Variants in PRKG2 observed in about 807,000 individuals in gnomAD.
PRKG2 encodes the protein protein kinase cGMP-dependent 2, also known as cGMP-dependent protein kinase 2.
A neutral mutation model predicts 97.2 loss-of-function variants in PRKG2; 33 were observed. The ratio of observed to expected loss-of-function variants is 0.34; its 90% CI spans 0.26 to 0.45. The LOEUF (loss-of-function observed/expected upper bound fraction) is 0.45. Among genes scored for constraint, PRKG2 ranks in the 20% least tolerant of loss-of-function variants. The pLI is 1.00. For synonymous variants in PRKG2, 330 were observed against 321.8 expected (o/e 1.03, Z -0.27); for missense variants, 638 against 900.0 (o/e 0.71, Z 3.73).
chr4:81,194,834 G>A (rs1752848180), intron 2 of PRKG2, among the ~76,000 whole-genome samples: 1 of 152,182 alleles, frequency 6.6e-6, no homozygotes, highest in Non-Finnish European at 1.5e-5. Flanking sequence ...AAGTAGTTGA[G>A]GAGTCAGCGG....
At chr4:81,143,185 G>C (rs949468435) in intron 10 of PRKG2, among the ~76,000 whole-genome samples, 3 of 152,152 alleles carry the variant, frequency 2.0e-5, no homozygotes, top group African/African-American at 7.2e-5. Flanking sequence ...CGAATGCCAA[G>C]TTGAATCAAT....
chr4:81,128,547 G>T (rs1016596002), intron 14 of PRKG2, among the ~76,000 whole-genome samples: 1 of 152,098 alleles, frequency 6.6e-6, no homozygotes, highest in Non-Finnish European at 1.5e-5. Context: ...ACTTCTTCCC[G>T]GTTTAGCCTT....
intron 1 of PRKG2, 143 bp from the exon 2 acceptor site, chr4:81,205,203 C>T: frequency 1.8e-6 from 1 of 560,636 alleles, no homozygotes; most frequent in Non-Finnish European, 2.9e-6. Flanking sequence ...CCCGAAGTTT[C>T]CAGAAAAAAA....
chr4:81,113,175 T>G (rs1172565888), intron 14 of PRKG2, among the ~76,000 whole-genome samples: 1 of 152,290 alleles, frequency 6.6e-6, no homozygotes, highest in Non-Finnish European at 1.5e-5. Context: ...AGTGAGAGCA[T>G]TGTGGGTTTG....
chr4:81,104,816 C>G (rs920980776), intron 16 of PRKG2, among the ~76,000 whole-genome samples: 8 of 151,938 alleles, frequency 5.3e-5, no homozygotes, highest in African/African-American at 1.7e-4. Flanking sequence ...CCCATAGCTA[C>G]GTTTTTAGTT....
intron 14 of PRKG2, among the ~76,000 whole-genome samples, chr4:81,134,521 G>A (rs975209463): frequency 1.3e-5 from 2 of 152,176 alleles, no homozygotes; most frequent in African/African-American, 2.4e-5. Context: ...AGTTGTGACT[G>A]TCCAGTCTAT....
Position 81,128,220 on chromosome 4 carries a change from G to C in PRKG2, c.1776+6935C>G, listed in dbSNP as rs543810416. ...TGGATAAACTTTTTTATGTGCTGCT[G>C]GATTCGGTTTGCCAGTACCTTATTG... On this transcript the variant is annotated intron_variant, in intron 14 of 18. Transcript: ENST00000264399. 3.3e-5 allele frequency among the ~76,000 whole-genome samples: 5 copies of C among 152,294 alleles called. No homozygotes were observed. In the South Asian group the frequency reaches 1.0e-3, roughly 32 times the overall value.
In PRKG2 at chr4:81,204,823, C is replaced by T. The variant is rs1251005023; in HGVS notation, c.225G>A (p.Lys75=). The T allele has an allele frequency of 1.9e-6, 3 of 1,614,192 alleles. No homozygotes were observed. The highest frequency in any genetic ancestry group is 2.2e-5 in the South Asian group (2 of 91,086). Residue 75 remains lysine (K), a synonymous_variant, in exon 2 of 19, where the codon AAG becomes AAA. Transcript: ENST00000264399. ...CCTGCAGCTTGTTCAGCTGGATGCA[C>T]TTGTTCTGGAGCTCCTCTGTGAGTT... ...IAELTEELQN[K]CIQLNKLQDV...
intron 9 of PRKG2, among the ~76,000 whole-genome samples, chr4:81,147,822 C>T (rs901923318): frequency 3.3e-5 from 5 of 151,946 alleles, no homozygotes; most frequent in African/African-American, 9.7e-5. Flanking sequence ...GCATGTTAGC[C>T]TTATTGTGGT....
chr4:81,140,646 A>T lies in PRKG2; in HGVS notation c.1431T>A (p.Val477=). Residue 477 remains valine (V), a synonymous_variant, in exon 12 of 19, where the codon GTT becomes GTA. Coordinates refer to ENST00000264399, the MANE Select transcript of PRKG2 (RefSeq NM_006259.3). ...TCCTTATACACTTCATAGCAAAAGC[A>T]ACATTCTCATTTTTTACTTTAACCT... ...VELVKVKNEN[V]AFAMKCIRKK... The T allele has an allele frequency of 6.2e-7, 1 of 1,609,014 alleles. No individual in the cohort carries two copies. The highest frequency in any genetic ancestry group is 1.3e-5 in the African/African-American group (1 of 74,976).
chr4:81,154,988 C>A (rs1433481986), intron 6 of PRKG2, among the ~76,000 whole-genome samples: 6 of 151,906 alleles, frequency 3.9e-5, no homozygotes, highest in African/African-American at 1.5e-4. Flanking sequence ...TCCCGGCTAA[C>A]ACGGTGAAAC....
intron 2 of PRKG2, among the ~76,000 whole-genome samples, chr4:81,180,715 G>T (rs1305880864): frequency 3.3e-5 from 5 of 152,018 alleles, no homozygotes; most frequent in African/African-American, 1.2e-4. Flanking sequence ...AATAGAATAA[G>T]CCAACAAAAA....
At chr4:81,096,657 G>C (rs1742147656) in intron 17 of PRKG2, among the ~76,000 whole-genome samples, 1 of 152,148 alleles carries the variant, frequency 6.6e-6, no homozygotes, top group South Asian at 2.1e-4. Context: ...AATATTCACA[G>C]CATCTTTGCC....
At position 81,157,130 on chromosome 4, in the gene PRKG2, C is replaced by T. The variant is rs866031759; in HGVS notation, c.913-3409G>A. On this transcript the variant is annotated intron_variant, in intron 6 of 18. Transcript: ENST00000264399. Reference sequence around the variant, plus strand: ...TACAAAAAACCCTTCCAAAAATTAACGAATCCAGGAGCTGGTTTTTTGAAA... The same window carrying T: ...TACAAAAAACCCTTCCAAAAATTAATGAATCCAGGAGCTGGTTTTTTGAAA... 2.6e-3 allele frequency among the ~76,000 whole-genome samples: 402 copies of T among 152,012 alleles called. 3 individuals are homozygous for T. The highest frequency in any genetic ancestry group is 8.7e-3 in the African/African-American group (361 of 41,430).
At chr4:81,171,568 A>C (rs1486104013) in intron 4 of PRKG2, 123 bp downstream of exon 4, 5 of 648,184 alleles carry the variant, frequency 7.7e-6, no homozygotes, top group African/African-American at 3.7e-5. Flanking sequence ...TAGCATTTCT[A>C]TTATAAGAAC....
At chr4:81,192,587 C>T (rs1438577092) in intron 2 of PRKG2, among the ~76,000 whole-genome samples, 1 of 152,126 alleles carries the variant, frequency 6.6e-6, no homozygotes, top group Non-Finnish European at 1.5e-5. Flanking sequence ...AATCTCAGAT[C>T]TCTCATCTAT....
chr4:81,210,726 T>C (rs931153187), intron 1 of PRKG2, among the ~76,000 whole-genome samples: 8 of 152,190 alleles, frequency 5.3e-5, no homozygotes, highest in Admixed American at 2.0e-4. Context: ...ATATGAGACA[T>C]ATGTTTTCAC....
intron 6 of PRKG2, among the ~76,000 whole-genome samples, chr4:81,159,126 A>C (rs1159776058): frequency 1.1e-4 from 16 of 152,334 alleles, no homozygotes; most frequent in Admixed American, 3.3e-4. Context: ...TAATTCAACT[A>C]AAGAGCTTCT....
At chr4:81,173,602 T>C (rs1483572389) in intron 3 of PRKG2, among the ~76,000 whole-genome samples, 1 of 152,102 alleles carries the variant, frequency 6.6e-6, no homozygotes, top group Non-Finnish European at 1.5e-5. Context: ...TTAAGTAGAA[T>C]GATTCCTTGG....
Sources: gnomAD v4.1 joint callset for allele counts (sites outside exome capture counted in the v4.1 genomes callset) on GRCh38, gnomAD v4.1.1 for gene constraint, MANE v1.5 for transcripts, NCBI Gene and HGNC (gene_info 2026-07-23, HGNC 2026-07-21) for gene names.